Variants in FMN1 observed in about 807,000 individuals in gnomAD.
The protein encoded by FMN1 is formin 1, also known as formin-1.
Under a neutral mutation model 132.4 loss-of-function variants are expected in FMN1, and 110 were observed. The observed-to-expected ratio is 0.83, with a 90% CI of 0.71 to 0.97. The LOEUF is 0.97. Among genes scored for constraint, FMN1 ranks in the 50% least tolerant of loss-of-function variants. The pLI is 0.00. For synonymous variants in FMN1, 722 were observed against 651.7 expected (o/e 1.11, Z -1.64); for missense variants, 1,792 against 1,705.3 (o/e 1.05, Z -0.90).
intron 15 of FMN1, among the ~76,000 whole-genome samples, chr15:32,891,400 A>G (rs2060026151): frequency 6.6e-6 from 1 of 152,206 alleles, no homozygotes; most frequent in African/African-American, 2.4e-5. Context: ...GGCACCCGCC[A>G]CCACGCCCAG....
chr15:33,129,170 G>C (rs1459581260), intron 4 of FMN1, among the ~76,000 whole-genome samples: 1 of 152,192 alleles, frequency 6.6e-6, no homozygotes, highest in Non-Finnish European at 1.5e-5. Flanking sequence ...ATGTAACTCG[G>C]AGAAAACAGC....
intron 4 of FMN1, among the ~76,000 whole-genome samples, chr15:33,125,967 G>A (rs543760535): frequency 1.3e-5 from 2 of 151,236 alleles, no homozygotes; most frequent in South Asian, 4.1e-4. Flanking sequence ...TTTTTGTGCA[G>A]TAAGTCACTA....
chr15:32,921,366 G>A (rs1419416937), intron 10 of FMN1, among the ~76,000 whole-genome samples: 1 of 152,172 alleles, frequency 6.6e-6, no homozygotes, highest in Non-Finnish European at 1.5e-5. Context: ...ACTGTAGTTG[G>A]CTAGAGTGCA....
chr15:33,018,857 C>T (rs1387093804), intron 6 of FMN1, among the ~76,000 whole-genome samples: 1 of 152,108 alleles, frequency 6.6e-6, no homozygotes, highest in Non-Finnish European at 1.5e-5. Context: ...GCTCTTAAGG[C>T]AGCACGTCTG....
chr15:32,879,796 C>A (rs1691042351), intron 16 of FMN1, among the ~76,000 whole-genome samples: 1 of 152,174 alleles, frequency 6.6e-6, no homozygotes, highest in Non-Finnish European at 1.5e-5. Flanking sequence ...ATTTTCAACA[C>A]ACCAGCCTCT....
At chr15:33,079,649 G>A (rs1457151105) in intron 5 of FMN1, among the ~76,000 whole-genome samples, 1 of 152,254 alleles carries the variant, frequency 6.6e-6, no homozygotes, top group African/African-American at 2.4e-5. Flanking sequence ...GCTGTTAGCA[G>A]ATTTGCCATT....
At chr15:33,117,363 G>T (rs7171689) in intron 4 of FMN1, among the ~76,000 whole-genome samples, 4 of 152,072 alleles carry the variant, frequency 2.6e-5, no homozygotes, top group African/African-American at 9.7e-5. Context: ...TGAAAGCATC[G>T]AAACCATAGC....
rs946102911 is a variant in FMN1 at position 33,114,806 on chromosome 15, C to T, written c.1868-25832G>A. On this transcript the variant is annotated intron_variant, in intron 4 of 20. Coordinates refer to ENST00000616417, the MANE Select transcript of FMN1 (RefSeq NM_001277313.2). ...CATTAAAGGAATAGAAATAATCCTACTTTAGCTGATAAAATTTAAGATCTT... is the reference window on the plus strand; with the variant it reads ...CATTAAAGGAATAGAAATAATCCTATTTTAGCTGATAAAATTTAAGATCTT... Among the ~76,000 whole-genome samples, 29 of 152,308 alleles carry T rather than the reference C, an allele frequency of 1.9e-4. 1 individual carries two copies. Among genetic ancestry groups the T allele is most frequent in the African/African-American group, 6.3e-4 (26 of 41,570 alleles).
intron 17 of FMN1, among the ~76,000 whole-genome samples, chr15:32,844,988 AG>A (rs2058824956): frequency 6.6e-6 from 1 of 152,234 alleles, no homozygotes; most frequent in Non-Finnish European, 1.5e-5. Context: ...TATTATTTGA[AG>A]GAATGAAAAG....
At chr15:32,823,141 G>C (rs74011842) in intron 17 of FMN1, among the ~76,000 whole-genome samples, 23,719 of 140,368 alleles carry the variant, frequency 0.17, 2,281 homozygotes, top group East Asian at 0.46. Context: ...CAAAGACAGA[G>C]AGTTTCTACT....
chr15:33,064,007 G>C (rs1049321920), intron 6 of FMN1: 1 of 152,170 alleles, frequency 6.6e-6, no homozygotes, highest in Non-Finnish European at 1.5e-5. Flanking sequence ...TGCAGAAACT[G>C]TGTAAATGAA....
chr15:33,144,768 T>A (rs951651980), intron 4 of FMN1, among the ~76,000 whole-genome samples: 4 of 151,166 alleles, frequency 2.6e-5, no homozygotes, highest in African/African-American at 7.3e-5. Flanking sequence ...CAAGAACAAA[T>A]CAGCAAATCC....
chr15:33,114,574 C>G (rs865907710), intron 4 of FMN1, among the ~76,000 whole-genome samples: 1 of 152,146 alleles, frequency 6.6e-6, no homozygotes, highest in Non-Finnish European at 1.5e-5. Context: ...AAGAACACCA[C>G]GCAAACGCGA....
chr15:33,128,171 AAGC>A (rs1180449960), intron 4 of FMN1, among the ~76,000 whole-genome samples: 1 of 144,794 alleles, frequency 6.9e-6, no homozygotes, highest in African/African-American at 2.9e-5. Context: ...TGGAGAAATA[AAGC>A]AAGCAAACAA....
In FMN1 at chr15:32,865,768, G is replaced by T. The variant is rs182283619; in HGVS notation, c.3836-8661C>A. Among the ~76,000 whole-genome samples the T allele has an allele frequency of 4.6e-5, 7 of 151,764 alleles. No individual in the cohort carries two copies. The Middle Eastern group carries it at 0.01, about 223-fold the overall frequency. ...GGAGAATCACCTGAACCTGGGAGGC[G>T]GAAGTTGTGGTAAGCTGAGATCATG... On this transcript the variant is annotated intron_variant, in intron 16 of 20. Transcript: ENST00000616417.
At chr15:32,996,566 C>T (rs940107805) in intron 7 of FMN1, among the ~76,000 whole-genome samples, 2 of 152,152 alleles carry the variant, frequency 1.3e-5, no homozygotes, top group Non-Finnish European at 2.9e-5. Flanking sequence ...AGAGGGCCAC[C>T]TCATAATGGT....
chr15:33,096,957 T>C (rs994238112), intron 4 of FMN1, among the ~76,000 whole-genome samples: 1 of 152,084 alleles, frequency 6.6e-6, no homozygotes, highest in Non-Finnish European at 1.5e-5. Flanking sequence ...CATAGGTCAC[T>C]GGGGCTCTGG....
At chr15:32,854,678 C>G (rs774264311) in intron 17 of FMN1, among the ~76,000 whole-genome samples, 1 of 151,982 alleles carries the variant, frequency 6.6e-6, no homozygotes, top group African/African-American at 2.4e-5. Context: ...TTTGGGAGGC[C>G]GAGGCGGGTG....
chr15:32,984,545 C>G (rs2032929718), intron 7 of FMN1, among the ~76,000 whole-genome samples: 1 of 152,038 alleles, frequency 6.6e-6, no homozygotes, highest in African/African-American at 2.4e-5. Context: ...AACTTCACAA[C>G]AAATATAAAA....
Sources: allele counts gnomAD v4.1 joint callset (sites outside exome capture counted in the v4.1 genomes callset), GRCh38; gene constraint gnomAD v4.1.1; transcripts MANE v1.5; gene names NCBI Gene and HGNC (gene_info 2026-07-23, HGNC 2026-07-21).